Variants in NCAM2 observed in about 807,000 individuals in gnomAD.
NCAM2 encodes the protein N-CAM-2.
NCAM2 carries 30 observed loss-of-function variants against 98.1 expected under a neutral mutation model. The observed-to-expected ratio is 0.31, with a 90% CI of 0.23 to 0.41. The LOEUF is 0.41. Ranked by LOEUF, NCAM2 falls within the 10% of genes least tolerant of loss-of-function variation. The pLI is 1.00. For missense variants in NCAM2, 867 were observed against 1,005.8 expected, an observed-to-expected ratio of 0.86 and a Z score of 1.87; for synonymous variants, 368 against 342.4, an observed-to-expected ratio of 1.07 and a Z score of -0.83.
Position 21,443,817 on chromosome 21 carries a change from A to G in NCAM2, c.1654+11536A>G, listed in dbSNP as rs114423262. Among the ~76,000 whole-genome samples the G allele has an allele frequency of 9.6e-3, 1,466 of 152,238 alleles. 18 individuals are homozygous for G. Among genetic ancestry groups the G allele is most frequent in the African/African-American group, 0.034 (1,399 of 41,538 alleles). The stretch of plus-strand genomic sequence containing the variant: ...GTTTATCCTGCAGCATTTCTTTGAA[A>G]CTAGTTATTTACAATTCCCTGGAAG... On this transcript the variant is annotated intron_variant, in intron 12 of 17. Transcript: ENST00000400546.
chr21:21,493,250 A>G (rs748284879), intron 15 of NCAM2, among the ~76,000 whole-genome samples: 1 of 151,888 alleles, frequency 6.6e-6, no homozygotes, highest in African/African-American at 2.4e-5. Context: ...TCCTCACTTA[A>G]TATGTGGAGT....
chr21:21,082,248 T>C (rs1379679018), intron 1 of NCAM2, among the ~76,000 whole-genome samples: 5 of 117,392 alleles, frequency 4.3e-5, no homozygotes, highest in African/African-American at 2.0e-4. Context: ...AAAAAAGAAT[T>C]CTCTCATGCT....
chr21:21,158,505 G>A (rs2067680998), intron 1 of NCAM2, among the ~76,000 whole-genome samples: 2 of 151,936 alleles, frequency 1.3e-5, no homozygotes, highest in Admixed American at 1.3e-4. Flanking sequence ...CAGCTACTTG[G>A]GAGGCAGGAG....
chr21:21,146,001 A>G (rs112203228), intron 1 of NCAM2, among the ~76,000 whole-genome samples: 8 of 152,200 alleles, frequency 5.3e-5, no homozygotes, highest in Non-Finnish European at 8.8e-5. Context: ...ATGTCTTTAA[A>G]TAGCAGTTCT....
chr21:21,513,468 T>C (rs1988518148), intron 16 of NCAM2, among the ~76,000 whole-genome samples: 1 of 152,116 alleles, frequency 6.6e-6, no homozygotes, highest in African/African-American at 2.4e-5. Flanking sequence ...TTCAGGAGCA[T>C]ATTTTTTTTA....
intron 9 of NCAM2, among the ~76,000 whole-genome samples, chr21:21,393,708 A>C (rs181301970): frequency 2.0e-5 from 3 of 152,254 alleles, no homozygotes. Context: ...GATAACTCAG[A>C]AGTTTTTATG....
At chr21:21,305,952 A>T (rs959395947) in intron 5 of NCAM2, among the ~76,000 whole-genome samples, 1 of 152,136 alleles carries the variant, frequency 6.6e-6, no homozygotes, top group African/African-American at 2.4e-5. Context: ...ATACATTGCC[A>T]TTCATTTTAA....
At chr21:21,310,310 A>C (rs774391133) in intron 5 of NCAM2, among the ~76,000 whole-genome samples, 3 of 152,198 alleles carry the variant, frequency 2.0e-5, no homozygotes, top group Non-Finnish European at 4.4e-5. Flanking sequence ...GAACTGAAAC[A>C]TGGCCCACAT....
At chr21:21,153,190 A>G (rs1555892533) in intron 1 of NCAM2, among the ~76,000 whole-genome samples, 1 of 149,990 alleles carries the variant, frequency 6.7e-6, no homozygotes, top group Non-Finnish European at 1.5e-5. Flanking sequence ...TTTTTTTGTA[A>G]TAATGTATTA....
At chr21:21,358,490 T>C (rs2826813) in intron 8 of NCAM2, among the ~76,000 whole-genome samples, 97,422 of 151,826 alleles carry the variant, frequency 0.64, 31,459 homozygotes, top group Middle Eastern at 0.72. Flanking sequence ...ACACTCAACA[T>C]ACAAAAATAC....
intron 12 of NCAM2, among the ~76,000 whole-genome samples, chr21:21,447,200 A>G (rs1213193150): frequency 6.6e-6 from 1 of 152,192 alleles, no homozygotes; most frequent in African/African-American, 2.4e-5. Flanking sequence ...GTATCAATAC[A>G]GACATATAGA....
At chr21:21,066,372 C>G (rs1231208664) in intron 1 of NCAM2, among the ~76,000 whole-genome samples, 4 of 151,930 alleles carry the variant, frequency 2.6e-5, no homozygotes, top group African/African-American at 9.7e-5. Flanking sequence ...TTGAATTATT[C>G]CATATATAGA....
At chr21:21,310,270 C>A (rs1266903908) in intron 5 of NCAM2, among the ~76,000 whole-genome samples, 3 of 152,090 alleles carry the variant, frequency 2.0e-5, no homozygotes, top group Non-Finnish European at 2.9e-5. Context: ...CAGGGTATCA[C>A]AATGGTTTTT....
rs79052532 is a variant in NCAM2 at position 21,415,024 on chromosome 21, G to A, written c.1384-3449G>A. On this transcript the variant is annotated intron_variant, in intron 10 of 17. Coordinates refer to ENST00000400546, the MANE Select transcript of NCAM2 (RefSeq NM_004540.5). The stretch of plus-strand genomic sequence containing the variant: ...TCAATAAACCAGGCTGTAAACAGAT[G>A]TTCTGTCAACCAGGCTTAGTTTTCC... 6.0e-3 allele frequency among the ~76,000 whole-genome samples: 902 copies of A among 151,058 alleles called. 13 individuals are homozygous for A. The highest frequency in any genetic ancestry group is 0.021 in the African/African-American group (854 of 41,162).
At chr21:21,020,108 T>C (rs961373512) in intron 1 of NCAM2, among the ~76,000 whole-genome samples, 2 of 152,040 alleles carry the variant, frequency 1.3e-5, no homozygotes, top group Non-Finnish European at 2.9e-5. Flanking sequence ...GTGATCTAAG[T>C]TCACTGCTAC....
At chr21:21,295,721 A>G (rs1043154782) in intron 5 of NCAM2, among the ~76,000 whole-genome samples, 1 of 151,860 alleles carries the variant, frequency 6.6e-6, no homozygotes, top group African/African-American at 2.4e-5. Flanking sequence ...GCAAGTGCAG[A>G]CAACATAACA....
intron 12 of NCAM2, among the ~76,000 whole-genome samples, chr21:21,456,339 T>A (rs913103370): frequency 6.6e-6 from 1 of 152,162 alleles, no homozygotes. Context: ...GAGAATCTGA[T>A]TGACTTTATT....
chr21:21,210,488 T>C (rs2069609120), intron 1 of NCAM2: 6 of 1,248,300 alleles, frequency 4.8e-6, no homozygotes, highest in Non-Finnish European at 5.2e-6. Flanking sequence ...GAAGTACAAG[T>C]AATTAAAAAC....
chr21:21,447,282 C>G (rs1254238444), intron 12 of NCAM2, among the ~76,000 whole-genome samples: 1 of 151,944 alleles, frequency 6.6e-6, no homozygotes, highest in Non-Finnish European at 1.5e-5. Flanking sequence ...ACAAACCTGA[C>G]AAAACAAGCA....
Sources: gnomAD v4.1 joint callset for allele counts (sites outside exome capture counted in the v4.1 genomes callset) on GRCh38, gnomAD v4.1.1 for gene constraint, MANE v1.5 for transcripts, NCBI Gene and HGNC (gene_info 2026-07-23, HGNC 2026-07-21) for gene names.